ADGRL2: variants seen among roughly 807,000 people sequenced by gnomAD.
The protein encoded by ADGRL2 is adhesion G protein-coupled receptor L2.
Under a neutral mutation model 157.4 loss-of-function variants are expected in ADGRL2, and 44 were observed. That is an observed-to-expected ratio of 0.28 (90% CI 0.22 to 0.36). The LOEUF (loss-of-function observed/expected upper bound fraction) is 0.36, where lower values mean the gene tolerates loss of function less well. ADGRL2 is among the 10% of genes least tolerant of loss of function. The pLI is 1.00. For synonymous variants in ADGRL2, 585 were observed against 624.7 expected, an observed-to-expected ratio of 0.94 and a Z score of 0.95; for missense variants, 1,510 against 1,768.9, an observed-to-expected ratio of 0.85 and a Z score of 2.63.
intron 2 of ADGRL2, among the ~76,000 whole-genome samples, chr1:81,839,783 TC>T (rs1024210717): frequency 1.4e-5 from 2 of 147,610 alleles, no homozygotes. Context: ...ATATATATTT[TC>T]CATCATATAT....
At chr1:81,539,778 A>C (rs757213401) in intron 2 of ADGRL2, among the ~76,000 whole-genome samples, 1 of 151,980 alleles carries the variant, frequency 6.6e-6, no homozygotes, top group Admixed American at 6.6e-5. Flanking sequence ...AGCTCTAGCC[A>C]TCACATCTGT....
intron 1 of ADGRL2, among the ~76,000 whole-genome samples, chr1:81,733,556 G>A (rs763319944): frequency 1.3e-5 from 2 of 152,096 alleles, no homozygotes; most frequent in Admixed American, 6.6e-5. Flanking sequence ...CCACCCTCAC[G>A]GCCTCATTTT....
chr1:81,958,934 T>C (rs576492014), intron 11 of ADGRL2, among the ~76,000 whole-genome samples: 2 of 152,350 alleles, frequency 1.3e-5, no homozygotes, highest in East Asian at 3.9e-4. Context: ...AGAGGAATAT[T>C]TTTTGAAATT....
At chr1:81,899,622 A>AT (rs1361070518) in intron 2 of ADGRL2, among the ~76,000 whole-genome samples, 1 of 152,282 alleles carries the variant, frequency 6.6e-6, no homozygotes, top group Middle Eastern at 3.4e-3. Context: ...TGCAATATTG[A>AT]TTTTTTGCTC....
intron 1 of ADGRL2, among the ~76,000 whole-genome samples, chr1:81,829,644 G>A (rs1216346628): frequency 1.3e-5 from 2 of 152,088 alleles, no homozygotes; most frequent in Non-Finnish European, 2.9e-5. Flanking sequence ...TGAAACAGTT[G>A]CTTCTTTTTA....
chr1:81,550,826 G>GAA (rs75371906), intron 2 of ADGRL2, among the ~76,000 whole-genome samples: 91 of 136,896 alleles, frequency 6.6e-4, no homozygotes, highest in African/African-American at 2.0e-3. Flanking sequence ...CCTCTTTACA[G>GAA]AAAAAAAAAA....
chr1:81,579,600 G>A (rs2080865119), intron 2 of ADGRL2, among the ~76,000 whole-genome samples: 1 of 152,126 alleles, frequency 6.6e-6, no homozygotes, highest in Non-Finnish European at 1.5e-5. Flanking sequence ...AATATAAACA[G>A]CATATGAATT....
chr1:81,494,370 A>T (rs2078691437), intron 2 of ADGRL2, among the ~76,000 whole-genome samples: 2 of 152,200 alleles, frequency 1.3e-5, no homozygotes, highest in Non-Finnish European at 2.9e-5. Context: ...TCTTCTGAAG[A>T]TGAACAGTTT....
rs1287752070 is a variant in ADGRL2 at position 81,962,052 on chromosome 1, C to A, written c.2018-4006C>A. On this transcript the variant is annotated intron_variant, in intron 11 of 23. Transcript: ENST00000686636. ...GCACATACCTGTGTGTGCCTACACA[C>A]ACATACTCCCTAGAAATAGAATTTT... Among the ~76,000 whole-genome samples, 4 of 152,134 alleles carry A rather than the reference C, an allele frequency of 2.6e-5. No homozygotes were observed. In the South Asian group the frequency reaches 8.3e-4, roughly 32 times the overall value.
At chr1:81,357,763 T>A (rs545681838) in intron 1 of ADGRL2, among the ~76,000 whole-genome samples, 1 of 152,106 alleles carries the variant, frequency 6.6e-6, no homozygotes, top group Admixed American at 6.6e-5. Flanking sequence ...CTACAGCCAA[T>A]AACTAATAAA....
intron 2 of ADGRL2, among the ~76,000 whole-genome samples, chr1:81,878,889 G>A (rs2093912360): frequency 6.6e-6 from 1 of 152,028 alleles, no homozygotes; most frequent in African/African-American, 2.4e-5. Context: ...TGGTTTTACT[G>A]GATTCTAGTT....
intron 2 of ADGRL2, among the ~76,000 whole-genome samples, chr1:81,498,807 TAA>T (rs2078782601): frequency 6.6e-6 from 1 of 151,568 alleles, no homozygotes; most frequent in Admixed American, 6.6e-5. Flanking sequence ...AAAAAAAAAA[TAA>T]GTCTTTAAAT....
chr1:81,656,802 G>A (rs144361000), intron 3 of ADGRL2, among the ~76,000 whole-genome samples: 2,422 of 152,052 alleles, frequency 0.016, 20 homozygotes, highest in Non-Finnish European at 0.027. Context: ...TTGAGCCCAG[G>A]AGTTTGAAAA....
At chr1:81,415,527 C>T (rs6681688) in intron 1 of ADGRL2, among the ~76,000 whole-genome samples, 70,457 of 151,992 alleles carry the variant, frequency 0.46, 17,038 homozygotes, top group Non-Finnish European at 0.54. Flanking sequence ...AAGGGAGATA[C>T]CACTGCAGTT....
upstream of ADGRL2, among the ~76,000 whole-genome samples, chr1:81,795,975 T>TTTTTG (rs142845057): frequency 0.08 from 12,226 of 152,006 alleles, 1,017 homozygotes; most frequent in African/African-American, 0.22. Flanking sequence ...AGGTATTTTA[T>TTTTTG]TTTTGTTTTG....
intron 1 of ADGRL2, among the ~76,000 whole-genome samples, chr1:81,353,723 G>C (rs535705705): frequency 6.4e-4 from 98 of 152,256 alleles, no homozygotes; most frequent in African/African-American, 2.2e-3. Flanking sequence ...AAACTGAAGA[G>C]GGAGAAAAGG....
At chr1:81,903,017 G>A (rs1340605633) in intron 2 of ADGRL2, among the ~76,000 whole-genome samples, 1 of 152,206 alleles carries the variant, frequency 6.6e-6, no homozygotes, top group Non-Finnish European at 1.5e-5. Context: ...TGTTGGAATA[G>A]CATGTGTACT....
intron 1 of ADGRL2, among the ~76,000 whole-genome samples, chr1:81,422,358 C>T (rs946236662): frequency 2.0e-5 from 3 of 152,196 alleles, no homozygotes; most frequent in Admixed American, 1.3e-4. Flanking sequence ...GATTCTCCTG[C>T]CTTAGCCTCC....
In ADGRL2 at chr1:81,992,196, T is replaced by TA. The variant is rs555494680; in HGVS notation, c.*1058dup. On this transcript the variant is annotated 3_prime_UTR_variant, in exon 24 of 24. Coordinates refer to ENST00000686636, the MANE Select transcript of ADGRL2 (RefSeq NM_001366006.2). ...TGAACAAAAGGTGCCTATTCTTTTT[T>TA]AAAAAAATAAAATAAAACATAAATA... The TA allele has an allele frequency of 4.3e-4, 66 of 152,618 alleles. No homozygotes were observed. The highest frequency in any genetic ancestry group is 1.5e-3 in the African/African-American group (64 of 41,550). The allele number at this position is 152,618 out of a possible 1,614,324, so 9.5% of individuals were successfully genotyped here.
Sources: allele counts gnomAD v4.1 joint callset (sites outside exome capture counted in the v4.1 genomes callset), GRCh38; gene constraint gnomAD v4.1.1; transcripts MANE v1.5; gene names NCBI Gene and HGNC (gene_info 2026-07-23, HGNC 2026-07-21).